ZNF25: variants seen among roughly 807,000 people sequenced by gnomAD.
ZNF25 encodes the protein zinc finger protein 25.
In ZNF25, 21 loss-of-function variants were observed where a neutral mutation model predicts 30.9. That is an observed-to-expected ratio of 0.68 (90% CI 0.48 to 0.98). ZNF25 has a LOEUF of 0.98. Ranked by LOEUF, ZNF25 falls within the 50% of genes least tolerant of loss-of-function variation. The pLI is 0.00. For missense variants in ZNF25, 501 were observed against 529.9 expected (o/e 0.95, Z 0.54); for synonymous variants, 169 against 181.3 (o/e 0.93, Z 0.55).
At chr10:37,963,417 C>A (rs1273084852) in intron 2 of ZNF25, among the ~76,000 whole-genome samples, 1 of 152,092 alleles carries the variant, frequency 6.6e-6, no homozygotes, top group East Asian at 1.9e-4. Flanking sequence ...CCACTGTGCC[C>A]AGCCTCAGTG....
At chr10:37,958,593 A>C (rs994031654) in intron 2 of ZNF25, among the ~76,000 whole-genome samples, 1 of 152,224 alleles carries the variant, frequency 6.6e-6, no homozygotes, top group African/African-American at 2.4e-5. Flanking sequence ...GCTTATTAAT[A>C]TAATACATAC....
intron 2 of ZNF25, 94 bp from the exon 3 acceptor site, chr10:37,957,640 C>T (rs2062616090): frequency 2.9e-6 from 4 of 1,359,114 alleles, no homozygotes; most frequent in Non-Finnish European, 3.9e-6. Flanking sequence ...GTACTAACTG[C>T]AAAGTTCATT....
rs1433112875 is a variant in ZNF25, at chr10:37,970,833, GCTCT to G, written c.15+871_15+874del. ...TGCTGCTCCCTCAGATTTCTACTTG[GCTCT>G]CTCTCTAATTCAGGACTTTCCTCAA... On this transcript the variant is annotated intron_variant, in intron 2 of 5. Transcript: ENST00000302609. 7.9e-5 allele frequency among the ~76,000 whole-genome samples: 12 copies of G among 151,986 alleles called. No individual in the cohort carries two copies. In the South Asian group the frequency reaches 1.7e-3, roughly 21 times the overall value.
chr10:37,966,781 G>A (rs1053381056), intron 2 of ZNF25, among the ~76,000 whole-genome samples: 4 of 152,040 alleles, frequency 2.6e-5, no homozygotes, highest in African/African-American at 7.2e-5. Context: ...ACCATATCAC[G>A]GAGGAATTAA....
chr10:37,953,361 T>C, intron 5 of ZNF25, 166 bp from the exon 6 acceptor site: 1 of 664,670 alleles, frequency 1.5e-6, no homozygotes, highest in Non-Finnish European at 2.5e-6. Flanking sequence ...TTCTCTGACC[T>C]GCACTGTAGT....
At chr10:37,959,813 T>C (rs777080720) in intron 2 of ZNF25, among the ~76,000 whole-genome samples, 2 of 151,632 alleles carry the variant, frequency 1.3e-5, no homozygotes, top group Non-Finnish European at 2.9e-5. Flanking sequence ...TTTCAGCATG[T>C]TGGCCAGGCT....
chr10:37,973,555 G>A (rs1015564543), intron 1 of ZNF25, among the ~76,000 whole-genome samples: 1 of 147,434 alleles, frequency 6.8e-6, no homozygotes, highest in Non-Finnish European at 1.5e-5. Flanking sequence ...GGAGACAGAG[G>A]TTGCAGTGAG....
At chr10:37,964,465 G>A (rs2063073481) in intron 2 of ZNF25, among the ~76,000 whole-genome samples, 1 of 152,186 alleles carries the variant, frequency 6.6e-6, no homozygotes, top group African/African-American at 2.4e-5. Context: ...GGTCTCAGAA[G>A]AAAATGAGGA....
chr10:37,961,278 G>T (rs766362), intron 2 of ZNF25, among the ~76,000 whole-genome samples: 3 of 151,944 alleles, frequency 2.0e-5, no homozygotes, highest in Non-Finnish European at 4.4e-5. Flanking sequence ...TTTTTTTAAA[G>T]CAACACTTCT....
chr10:37,964,155 A>G (rs1444511145), intron 2 of ZNF25, among the ~76,000 whole-genome samples: 1 of 152,184 alleles, frequency 6.6e-6, no homozygotes, highest in African/African-American at 2.4e-5. Context: ...TACAGCCTGC[A>G]TAACCATGAG....
intron 4 of ZNF25, among the ~76,000 whole-genome samples, chr10:37,954,493 C>T (rs967283719): frequency 5.3e-5 from 8 of 152,162 alleles, no homozygotes. Context: ...GCCATCTATA[C>T]AAGGATGAAT....
At chr10:37,961,903 A>G (rs1363359473) in intron 2 of ZNF25, among the ~76,000 whole-genome samples, 2 of 147,740 alleles carry the variant, frequency 1.4e-5, no homozygotes, top group Admixed American at 1.4e-4. Flanking sequence ...CCTGAGCAAC[A>G]AAGATTGAAA....
chr10:37,953,268 G>T, intron 5 of ZNF25, 73 bp from the exon 6 acceptor site: 1 of 1,414,120 alleles, frequency 7.1e-7, no homozygotes, highest in South Asian at 1.4e-5. Flanking sequence ...TCCACTGGGC[G>T]TATTTTCCAA....
chr10:37,957,373 G>A (rs1168247598), intron 3 of ZNF25, 47 bp downstream of exon 3: 1 of 1,587,892 alleles, frequency 6.3e-7, no homozygotes, highest in Non-Finnish European at 8.6e-7. Context: ...TAACTGAGAA[G>A]ATAGATGCAA....
Position 37,952,536 on chromosome 10 carries a change from T to A in ZNF25, c.962A>T (p.Lys321Ile), listed in dbSNP as rs2062215684. 1 of 1,613,768 alleles carries A rather than the reference T, an allele frequency of 6.2e-7. No individual in the cohort carries two copies. Among genetic ancestry groups the A allele is most frequent in the Non-Finnish European group, 8.5e-7 (1 of 1,179,942 alleles). ...GAGGGCTGACTTCTGGTAGAAGCAT[T>A]TCCTACATTCCTTACATTCATAGGG... ...EKPYECKECR[K>I]CFYQKSALTV... Residue 321 changes from lysine (K) to isoleucine (I), a missense_variant, in exon 6 of 6, where the codon AAA (lysine) becomes ATA (isoleucine). Lys to Ile is a moderately radical substitution (Grantham distance 102). Coordinates refer to ENST00000302609, the MANE Select transcript of ZNF25 (RefSeq NM_145011.4).
intron 4 of ZNF25, among the ~76,000 whole-genome samples, chr10:37,955,704 G>C (rs1050073903): frequency 2.6e-5 from 4 of 152,094 alleles, no homozygotes; most frequent in African/African-American, 9.7e-5. Context: ...TCATGAACAT[G>C]AGTCTCACTG....
At chr10:37,970,616 A>G (rs2063435730) in intron 2 of ZNF25, among the ~76,000 whole-genome samples, 2 of 151,898 alleles carry the variant, frequency 1.3e-5, no homozygotes, top group South Asian at 4.1e-4. Flanking sequence ...ATGAGCAAAC[A>G]AAACAAAACA....
In ZNF25 at chr10:37,952,121, C is replaced by T; in HGVS notation, c.*6G>A. On this transcript the variant is annotated 3_prime_UTR_variant, in exon 6 of 6. Coordinates refer to ENST00000302609, the MANE Select transcript of ZNF25 (RefSeq NM_145011.4). ...TAATTCAGTCAAGAGAATTTCCCAA[C>T]TCATCTTACTTCTCAGCATTCCTCT... is the stretch of plus-strand genomic sequence containing the variant. The T allele has an allele frequency of 6.5e-7, 1 of 1,543,080 alleles. No individual in the cohort carries two copies. Among genetic ancestry groups the T allele is most frequent in the African/African-American group, 1.4e-5 (1 of 72,370 alleles).
chr10:37,965,702 G>A (rs1443228299), intron 2 of ZNF25, among the ~76,000 whole-genome samples: 2 of 152,146 alleles, frequency 1.3e-5, no homozygotes, highest in Non-Finnish European at 2.9e-5. Flanking sequence ...AAGCTATAAA[G>A]AACACAGGTA....
Sources: allele counts gnomAD v4.1 joint callset (sites outside exome capture counted in the v4.1 genomes callset), GRCh38; gene constraint gnomAD v4.1.1; transcripts MANE v1.5; gene names NCBI Gene and HGNC (gene_info 2026-07-23, HGNC 2026-07-21).